Variants in NUDT6 observed in about 807,000 individuals in gnomAD.
NUDT6 encodes nudix hydrolase 6, also known as FAD diphosphatase NUDT6.
In NUDT6, 24 loss-of-function variants were observed where a neutral mutation model predicts 36.8. That is an observed-to-expected ratio of 0.65 (90% confidence interval 0.47 to 0.92). The LOEUF (loss-of-function observed/expected upper bound fraction) is 0.92, where lower values mean the gene tolerates loss of function less well. Ranked by LOEUF, NUDT6 falls within the 40% of genes least tolerant of loss-of-function variation. The pLI, the probability that NUDT6 is intolerant of heterozygous loss-of-function variation, is 0.00. For missense variants in NUDT6, 388 were observed against 392.8 expected, an observed-to-expected ratio of 0.99 and a Z score of 0.10; for synonymous variants, 163 against 157.0, an observed-to-expected ratio of 1.04 and a Z score of -0.29.
chr4:122,922,636 G>A, upstream of NUDT6: 1 of 1,409,492 alleles, frequency 7.1e-7, no homozygotes. Flanking sequence ...CGGAGATCGC[G>A]GCCGTACATT....
At chr4:122,907,831 T>C (rs1727651786) in intron 3 of NUDT6, among the ~76,000 whole-genome samples, 1 of 152,200 alleles carries the variant, frequency 6.6e-6, no homozygotes, top group South Asian at 2.1e-4. Context: ...AATCCTATCT[T>C]GGGGTCTGGA....
chr4:122,918,842 A>ATCTTTTAAAAATTGAG (rs1727905521), intron 1 of NUDT6: 1 of 152,226 alleles, frequency 6.6e-6, no homozygotes, highest in African/African-American at 2.4e-5. Context: ...ATTGAGGTAA[A>ATCTTTTAAAAATTGAG]GTACATAAAG....
intron 2 of NUDT6, among the ~76,000 whole-genome samples, chr4:122,916,935 A>G (rs1727856990): frequency 6.6e-6 from 1 of 152,218 alleles, no homozygotes; most frequent in Non-Finnish European, 1.5e-5. Context: ...TAGCCTATGG[A>G]TCATGGATAC....
chr4:122,910,138 T>C (rs11098674), intron 3 of NUDT6, among the ~76,000 whole-genome samples: 68,286 of 152,108 alleles, frequency 0.45, 17,407 homozygotes, highest in Non-Finnish European at 0.57. Context: ...TTATTAAACA[T>C]AGTTTTCACT....
At chr4:122,902,509 A>T (rs967712518) in intron 3 of NUDT6, among the ~76,000 whole-genome samples, 1 of 152,192 alleles carries the variant, frequency 6.6e-6, no homozygotes, top group African/African-American at 2.4e-5. Context: ...TTTCTTAATA[A>T]CACATCTCCA....
At position 122,892,996 on chromosome 4, in the gene NUDT6, A is replaced by G; in HGVS notation, c.783T>C (p.Thr261=). The G allele has an allele frequency of 6.2e-7, 1 of 1,614,048 alleles. No homozygotes were observed. Among genetic ancestry groups the G allele is most frequent in the Non-Finnish European group, 8.5e-7 (1 of 1,180,016 alleles). Reference sequence around the variant, plus strand: ...GCCTAGCAACTCTGCTGGTGATGGGAGTTGTATTTTCAGTCTTCGCCAGGT... The same window carrying G: ...GCCTAGCAACTCTGCTGGTGATGGGGGTTGTATTTTCAGTCTTCGCCAGGT... ...LNDLAKTENT[T]PITSRVARLL... is the part of the protein sequence containing the mutation. Residue 261 remains threonine, a synonymous_variant, in exon 5 of 5, where the codon ACT becomes ACC. Coordinates refer to ENST00000304430, the MANE Select transcript of NUDT6 (RefSeq NM_007083.5).
At chr4:122,901,908 A>G (rs1391736414) in intron 3 of NUDT6, among the ~76,000 whole-genome samples, 2 of 152,168 alleles carry the variant, frequency 1.3e-5, no homozygotes, top group South Asian at 2.1e-4. Context: ...TCTTTCAGCC[A>G]TATCTCCAGA....
intron 1 of NUDT6, chr4:122,921,713 C>A (rs557735783): frequency 4.0e-5 from 6 of 150,580 alleles, no homozygotes; most frequent in African/African-American, 1.2e-4. Flanking sequence ...AATTATTACA[C>A]ATTTATACCT....
intron 3 of NUDT6, among the ~76,000 whole-genome samples, chr4:122,901,967 T>C (rs1242959651): frequency 6.6e-6 from 1 of 152,212 alleles, no homozygotes; most frequent in Non-Finnish European, 1.5e-5. Context: ...TTGGTTCTCA[T>C]ATATATGTGA....
rs758376704 is a variant in NUDT6 at position 122,917,605 on chromosome 4, A to T, written c.338T>A (p.Phe113Tyr). The T allele has an allele frequency of 4.3e-6, 7 of 1,614,090 alleles. No individual in the cohort carries two copies. The highest frequency in any genetic ancestry group is 5.9e-6 in the Non-Finnish European group (7 of 1,180,024). ...ATCCGATTCTGCGTGGTGAAAGCAG[A>T]AGCCCAGGGAAGCAGCAGGGGCAAT... ...RFIAPAASLG[F>Y]CFHHAESDSS... The change falls in exon 2 of 5, where the codon TTC (phenylalanine) becomes TAC (tyrosine). Residue 113 changes from phenylalanine to tyrosine, a missense_variant. Transcript: ENST00000304430.
rs1055043545 is a variant in NUDT6 at position 122,922,371 on chromosome 4, G to T, written c.202C>A (p.Arg68Ser). Residue 68 changes from arginine (R) to serine (S), a missense_variant, in exon 1 of 5, where the codon CGC (arginine) becomes AGC (serine). By Grantham distance (110) the Arg-to-Ser change is moderately radical (BLOSUM62 -1). Coordinates refer to ENST00000304430, the MANE Select transcript of NUDT6 (RefSeq NM_007083.5). ...VRLARLDALD[R>S]LDAAAFQKGL... The stretch of plus-strand genomic sequence containing the variant: ...TTCTGGAAGGCGGCAGCGTCCAGGC[G>T]GTCCAGCGCATCGAGCCGCGCCAGG... 2 of 1,605,870 alleles carry T rather than the reference G, an allele frequency of 1.2e-6. No individual in the cohort carries two copies. Among genetic ancestry groups the T allele is most frequent in the South Asian group, 1.1e-5 (1 of 90,742 alleles).
chr4:122,908,108 A>G (rs538358642), intron 3 of NUDT6, among the ~76,000 whole-genome samples: 1 of 108,032 alleles, frequency 9.3e-6, no homozygotes, highest in African/African-American at 4.5e-5. Context: ...AGGGGACCCC[A>G]AAAAAATCTT....
At chr4:122,898,959 C>A (rs1727448299) in intron 3 of NUDT6, among the ~76,000 whole-genome samples, 1 of 151,660 alleles carries the variant, frequency 6.6e-6, no homozygotes, top group Non-Finnish European at 1.5e-5. Context: ...GAGCTCACTG[C>A]AGTCTTGACC....
At chr4:122,895,650 A>G (rs532022111) in intron 4 of NUDT6, 17 of 152,264 alleles carry the variant, frequency 1.1e-4, no homozygotes, top group Non-Finnish European at 2.2e-4. Context: ...TTATACTCTT[A>G]GGGTATTATT....
intron 3 of NUDT6, 26 bp from the exon 4 acceptor site, chr4:122,897,704 G>T (rs1251724999): frequency 1.3e-6 from 2 of 1,524,618 alleles, no homozygotes; most frequent in South Asian, 2.2e-5. Flanking sequence ...AGAAAATAAA[G>T]TTAACATAAC....
intron 3 of NUDT6, among the ~76,000 whole-genome samples, chr4:122,899,926 T>G (rs1727476860): frequency 6.6e-6 from 1 of 152,052 alleles, no homozygotes; most frequent in Admixed American, 6.6e-5. Flanking sequence ...ACTGGGCCAC[T>G]CATAGAAAGA....
At chr4:122,922,696 T>G, upstream of NUDT6, 1 of 815,630 alleles carries the variant, frequency 1.2e-6, no homozygotes, top group Non-Finnish European at 1.9e-6. Flanking sequence ...GTTACCACTC[T>G]GCAGAGCTAT....
At chr4:122,921,616 A>C (rs1259994159) in intron 1 of NUDT6, 13 of 118,214 alleles carry the variant, frequency 1.1e-4, no homozygotes, top group Admixed American at 3.3e-4. Flanking sequence ...AAAAAAAAAA[A>C]AACAAACTGT....
chr4:122,914,482 C>T (rs890059776), intron 2 of NUDT6, among the ~76,000 whole-genome samples: 1 of 152,122 alleles, frequency 6.6e-6, no homozygotes, highest in Non-Finnish European at 1.5e-5. Flanking sequence ...AAACCAGCAC[C>T]ACTAAAGCAC....
Sources: gnomAD v4.1 joint callset for allele counts (sites outside exome capture counted in the v4.1 genomes callset) on GRCh38, gnomAD v4.1.1 for gene constraint, MANE v1.5 for transcripts, NCBI Gene and HGNC (gene_info 2026-07-23, HGNC 2026-07-21) for gene names.